Variants in SELPLG observed in about 807,000 individuals in gnomAD.
SELPLG encodes selectin P ligand.
SELPLG carries 2 observed loss-of-function variants against 1.1 expected under a neutral mutation model. The observed-to-expected ratio is 1.82, with a 90% CI of 0.74 to 5.71. The LOEUF is 5.71. Among genes scored for constraint, SELPLG ranks in the 30% most tolerant of loss-of-function variants. The pLI, the probability that SELPLG is intolerant of heterozygous loss-of-function variation, is 0.05. For synonymous variants in SELPLG, 230 were observed against 221.2 expected, an observed-to-expected ratio of 1.04 and a Z score of -0.35; for missense variants, 478 against 524.7, an observed-to-expected ratio of 0.91 and a Z score of 0.87.
chr12:108,626,757 T>A (rs745610495), intron 1 of SELPLG, among the ~76,000 whole-genome samples: 1 of 152,072 alleles, frequency 6.6e-6, no homozygotes, highest in Non-Finnish European at 1.5e-5. Context: ...TGCCTCGGCC[T>A]CTCAAAGCAC....
chr12:108,631,173 G>C (rs4454764), intron 1 of SELPLG, among the ~76,000 whole-genome samples: 144,203 of 152,358 alleles, frequency 0.95, 68,286 homozygotes, highest in African/African-American at 0.98. Flanking sequence ...CTGACACTTT[G>C]CAACCTCTTT....
At chr12:108,626,023 C>T (rs2031929231) in intron 1 of SELPLG, among the ~76,000 whole-genome samples, 1 of 152,064 alleles carries the variant, frequency 6.6e-6, no homozygotes, top group African/African-American at 2.4e-5. Context: ...AACAGTTGCT[C>T]ATCATTCCTC....
chr12:108,622,902 CAGGCTGCTCTT>C lies in SELPLG; in HGVS notation c.*156_*166del. 1.6e-6 allele frequency: 1 copy of C among 640,358 alleles called. No individual in the cohort carries two copies. The highest frequency in any genetic ancestry group is 2.5e-6 in the Non-Finnish European group (1 of 403,760). The allele number at this position is 640,358 out of a possible 1,614,324, so 39.7% of individuals were successfully genotyped here. On this transcript the variant is annotated 3_prime_UTR_variant, in exon 2 of 2. Transcript: ENST00000550948. ...CTCCACTTGCCCGTCTGCTTGGCCC[CAGGCTGCTCTT>C]GTCCTGTTTGGGTGGCCAGAGTTCC...
intron 1 of SELPLG, among the ~76,000 whole-genome samples, chr12:108,625,502 G>T (rs2031921673): frequency 6.6e-6 from 1 of 152,178 alleles, no homozygotes; most frequent in South Asian, 2.1e-4. Context: ...CAGTCAACCT[G>T]CACTATAAGT....
chr12:108,632,311 GA>G (rs576671230), intron 1 of SELPLG, among the ~76,000 whole-genome samples: 2 of 151,276 alleles, frequency 1.3e-5, no homozygotes, highest in African/African-American at 4.9e-5. Flanking sequence ...GTCAGAGATG[GA>G]AAAAAAAGGA....
At position 108,630,288 on chromosome 12, in the gene SELPLG, G is replaced by T. The variant is rs1040010910; in HGVS notation, c.-6+3452C>A. Among the ~76,000 whole-genome samples, 5 of 152,220 alleles carry T rather than the reference G, an allele frequency of 3.3e-5. No individual in the cohort carries two copies. The East Asian group carries it at 7.7e-4, about 23-fold the overall frequency. On this transcript the variant is annotated intron_variant, in intron 1 of 1. Coordinates refer to ENST00000550948, the MANE Select transcript of SELPLG (RefSeq NM_003006.4). ...TGTGTGGAGGAGCAGGCTGCAGGGG[G>T]CCCAGACTCCAGCTCCAGAGAACCC...
chr12:108,630,627 TG>T (rs910202652), intron 1 of SELPLG, among the ~76,000 whole-genome samples: 9 of 152,124 alleles, frequency 5.9e-5, no homozygotes, highest in Admixed American at 5.9e-4. Flanking sequence ...CTGTGTGACC[TG>T]GGGCAACTCA....
intron 1 of SELPLG, among the ~76,000 whole-genome samples, chr12:108,626,857 C>T: frequency 6.6e-6 from 1 of 152,282 alleles, no homozygotes; most frequent in South Asian, 2.1e-4. Flanking sequence ...GTAATCCCAA[C>T]TGTTTGAGAA....
At chr12:108,632,989 C>T (rs1425142622) in intron 1 of SELPLG, among the ~76,000 whole-genome samples, 1 of 152,166 alleles carries the variant, frequency 6.6e-6, no homozygotes, top group African/African-American at 2.4e-5. Flanking sequence ...TAACATGCAG[C>T]TTCAAGAGAA....
rs2031834869 is a variant in SELPLG, at chr12:108,622,237, G to A, written c.*832C>T. Reference sequence around the variant, plus strand: ...ATGGAGAATTCCGGGAAGGCTGCCTGAAGGAGACAGCCTTGAAACCTTGAA... The same window carrying A: ...ATGGAGAATTCCGGGAAGGCTGCCTAAAGGAGACAGCCTTGAAACCTTGAA... On this transcript the variant is annotated 3_prime_UTR_variant, in exon 2 of 2. Transcript: ENST00000550948. The A allele has an allele frequency of 6.6e-6, 1 of 152,266 alleles. No individual in the cohort carries two copies. Among genetic ancestry groups the A allele is most frequent in the Non-Finnish European group, 1.5e-5 (1 of 68,066 alleles). The allele number at this position is 152,266 out of a possible 1,614,324, so 9.4% of individuals were successfully genotyped here.
chr12:108,631,317 C>T (rs2032046204), intron 1 of SELPLG, among the ~76,000 whole-genome samples: 1 of 152,144 alleles, frequency 6.6e-6, no homozygotes, highest in Non-Finnish European at 1.5e-5. Context: ...GGCTCGACTA[C>T]AGTGGTGCAA....
intron 1 of SELPLG, among the ~76,000 whole-genome samples, chr12:108,630,408 A>G (rs1463965408): frequency 6.6e-6 from 1 of 152,222 alleles, no homozygotes; most frequent in Non-Finnish European, 1.5e-5. Context: ...TGGTGGTCAG[A>G]GCGGGCAGGA....
At position 108,624,233 on chromosome 12, in the gene SELPLG, T is replaced by C; in HGVS notation, c.75A>G (p.Ala25=). The change falls in exon 2 of 2, where the codon GCA becomes GCG. Residue 25 remains alanine, a synonymous_variant. Transcript: ENST00000550948. ...GNSLQLWDTW[A]DEAEKALGPL... ...GACCCAAGGCTTTCTCGGCTTCATC[T>C]GCCCAGGTGTCCCACAGCTGCAAGC... 1 of 1,614,238 alleles carries C rather than the reference T, an allele frequency of 6.2e-7. No individual in the cohort carries two copies. Among genetic ancestry groups the C allele is most frequent in the Non-Finnish European group, 8.5e-7 (1 of 1,180,042 alleles).
intron 1 of SELPLG, among the ~76,000 whole-genome samples, chr12:108,631,420 T>C (rs2032049319): frequency 6.6e-6 from 1 of 152,124 alleles, no homozygotes; most frequent in Admixed American, 6.5e-5. Flanking sequence ...CGGCTACTTT[T>C]AAATTTTTTG....
chr12:108,624,311 A>C lies in SELPLG; in HGVS notation c.-4T>G. On this transcript the variant is annotated splice_region_variant and 5_prime_UTR_variant, in exon 2 of 2. Transcript: ENST00000550948. Reference sequence around the variant, plus strand: ...ACAGGAGGAGTTGCAGAGGCATGGCACCTAGGAGGAGACAATGGGCGGAGG... The same window carrying C: ...ACAGGAGGAGTTGCAGAGGCATGGCCCCTAGGAGGAGACAATGGGCGGAGG... 1 of 1,612,306 alleles carries C rather than the reference A, an allele frequency of 6.2e-7. No individual in the cohort carries two copies. The highest frequency in any genetic ancestry group is 1.3e-5 in the African/African-American group (1 of 74,938).
rs751113252 is a variant in SELPLG, at chr12:108,623,294, A to G, written c.1014T>C (p.Thr338=). ...GGGAGAGGCGGACCGCCAGCACCAC[A>G]GTGCACACGAAGAAGATAGTGGCCA... ...ALVATIFFVC[T]VVLAVRLSRK... Residue 338 remains threonine (T), a synonymous_variant, in exon 2 of 2, where the codon ACT becomes ACC. Transcript: ENST00000550948. 7 of 1,614,164 alleles carry G rather than the reference A, an allele frequency of 4.3e-6. No homozygotes were observed. In the Admixed American group the frequency reaches 1.2e-4, roughly 27 times the overall value.
In SELPLG at chr12:108,627,008, G is replaced by A. The variant is rs146397787; in HGVS notation, c.-5-2696C>T. Among the ~76,000 whole-genome samples, 539 of 152,254 alleles carry A rather than the reference G, an allele frequency of 3.5e-3. 2 individuals are homozygous for A. Among genetic ancestry groups the A allele is most frequent in the African/African-American group, 0.012 (498 of 41,514 alleles). On this transcript the variant is annotated intron_variant, in intron 1 of 1. Transcript: ENST00000550948. Reference sequence around the variant, plus strand: ...AATTCCAGCTATTTGGGAGGCCAAGGCAGGAGAATTGCTTGAACCTGGGAG... The same window carrying A: ...AATTCCAGCTATTTGGGAGGCCAAGACAGGAGAATTGCTTGAACCTGGGAG...
rs2031848067 is a variant in SELPLG at position 108,622,968 on chromosome 12, TC to T, written c.*100del. Reference sequence around the variant, plus strand: ...CTGAAGATCCCCATCCCCAGGGGTCTCCGAGGAAGCCCAGAGCTGTGGAATG... The same window carrying T: ...CTGAAGATCCCCATCCCCAGGGGTCTCGAGGAAGCCCAGAGCTGTGGAATG... On this transcript the variant is annotated 3_prime_UTR_variant, in exon 2 of 2. Transcript: ENST00000550948. The T allele has an allele frequency of 1.6e-6, 2 of 1,259,724 alleles. No individual in the cohort carries two copies. The highest frequency in any genetic ancestry group is 5.2e-5 in the East Asian group (2 of 38,662). 78.0% of individuals were successfully genotyped at this position (1,259,724 alleles called of 1,614,324 possible).
At chr12:108,632,519 ATT>A (rs915221311) in intron 1 of SELPLG, among the ~76,000 whole-genome samples, 2 of 142,680 alleles carry the variant, frequency 1.4e-5, no homozygotes, top group Non-Finnish European at 1.5e-5. Flanking sequence ...GAGTATTCTA[ATT>A]TTTTTTTTTT....
Sources: gnomAD v4.1 joint callset for allele counts (sites outside exome capture counted in the v4.1 genomes callset) on GRCh38, gnomAD v4.1.1 for gene constraint, MANE v1.5 for transcripts, NCBI Gene and HGNC (gene_info 2026-07-23, HGNC 2026-07-21) for gene names.